Variants in GPHN observed in about 807,000 individuals in gnomAD.
GPHN encodes gephyrin.
In GPHN, 17 loss-of-function variants were observed where a neutral mutation model predicts 95.5. That is an observed-to-expected ratio of 0.18 (90% CI 0.12 to 0.27). The LOEUF (loss-of-function observed/expected upper bound fraction) is 0.27. GPHN is among the 10% of genes least tolerant of loss of function. The pLI is 1.00. For missense variants in GPHN, 660 were observed against 978.1 expected (o/e 0.67, Z 4.34); for synonymous variants, 320 against 322.5 (o/e 0.99, Z 0.08).
the GPHN span, among the ~76,000 whole-genome samples, chr14:67,298,398 C>G: frequency 3.3e-5 from 5 of 151,644 alleles, no homozygotes; most frequent in Non-Finnish European, 7.4e-5. Flanking sequence ...ACCTGTAATC[C>G]CAGCTACTCA....
chr14:66,825,397 A>G (rs1399562808), intron 4 of GPHN, among the ~76,000 whole-genome samples: 1 of 152,188 alleles, frequency 6.6e-6, no homozygotes, highest in Non-Finnish European at 1.5e-5. Context: ...TCCACAAGGT[A>G]CTTTTGCTCT....
the GPHN span, among the ~76,000 whole-genome samples, chr14:67,497,589 T>C: frequency 6.6e-6 from 1 of 152,210 alleles, no homozygotes; most frequent in Non-Finnish European, 1.5e-5. Flanking sequence ...TGTCCATTTA[T>C]AATTATCTAT....
chr14:67,513,947 T>C, the GPHN span, among the ~76,000 whole-genome samples: 4 of 152,178 alleles, frequency 2.6e-5, no homozygotes, highest in South Asian at 2.1e-4. Context: ...AGAAAGACAC[T>C]GTACCACCCC....
At chr14:67,362,311 C>T in the GPHN span, among the ~76,000 whole-genome samples, 1 of 151,906 alleles carries the variant, frequency 6.6e-6, no homozygotes, top group Admixed American at 6.6e-5. Context: ...TGAGCCACTG[C>T]GCCTGGCCTG....
At chr14:67,370,993 C>T in the GPHN span, among the ~76,000 whole-genome samples, 2,329 of 152,152 alleles carry the variant, frequency 0.015, 26 homozygotes, top group Non-Finnish European at 0.023. Context: ...CATGCCACTA[C>T]ACTCCAGCCT....
At chr14:67,473,134 C>T in the GPHN span, 2 of 451,992 alleles carry the variant, frequency 4.4e-6, no homozygotes, top group South Asian at 4.7e-5. This position sits in a 1 kb window ranked among gnomAD's most constrained non-coding sequence, Gnocchi z 6.5. Flanking sequence ...ACTACATAGT[C>T]CATCGCTGCT....
chr14:67,515,329 CATTGTGTGTCGG>C, the GPHN span: 3 of 159,598 alleles, frequency 1.9e-5, no homozygotes, highest in African/African-American at 7.2e-5. Context: ...CCTAGTCCCG[CATTGTGTGTCGG>C]CGTCCGCCGC....
intron 4 of GPHN, chr14:66,842,860 T>A: frequency 1.5e-6 from 1 of 645,412 alleles, no homozygotes; most frequent in South Asian, 1.9e-5. Context: ...ATCTATGTTC[T>A]AGGGTCATTC....
the GPHN span, among the ~76,000 whole-genome samples, chr14:67,584,303 A>G: frequency 6.6e-6 from 1 of 152,216 alleles, no homozygotes; most frequent in African/African-American, 2.4e-5. Context: ...GTGATTGCTT[A>G]TCTTCATTTG....
At chr14:67,366,384 T>G in the GPHN span, among the ~76,000 whole-genome samples, 1 of 152,210 alleles carries the variant, frequency 6.6e-6, no homozygotes. Context: ...CTTTTTCTAT[T>G]GTATAAAATA....
chr14:67,380,882 GGTT>G, the GPHN span: 6 of 495,960 alleles, frequency 1.2e-5, no homozygotes, highest in Non-Finnish European at 2.0e-5. Flanking sequence ...TTTTCTAAAT[GGTT>G]GTTTTTTATA....
At chr14:67,662,985 T>C in the GPHN span, 103 of 1,390,632 alleles carry the variant, frequency 7.4e-5, no homozygotes, top group Non-Finnish European at 8.9e-5. Context: ...CACTTCTATG[T>C]TAACTCGTAC....
intron 1 of GPHN, among the ~76,000 whole-genome samples, chr14:66,608,234 A>G (rs1288412097): frequency 1.3e-5 from 2 of 151,730 alleles, no homozygotes. Flanking sequence ...CCTTCATTTC[A>G]TTATTTCCCC....
At chr14:67,250,125 T>G in the GPHN span, among the ~76,000 whole-genome samples, 3 of 149,426 alleles carry the variant, frequency 2.0e-5, no homozygotes, top group African/African-American at 5.1e-5. Context: ...ACCATTGATG[T>G]AGATAGACGA....
chr14:67,691,088 C>T, the GPHN span: 2 of 1,237,710 alleles, frequency 1.6e-6, no homozygotes, highest in Admixed American at 3.4e-5. Context: ...CCTAAGTTTC[C>T]CAAAGAGAAT....
the GPHN span, among the ~76,000 whole-genome samples, chr14:67,253,936 A>C: frequency 1.3e-5 from 2 of 149,580 alleles, no homozygotes; most frequent in Non-Finnish European, 3.0e-5. Context: ...TACTGATATC[A>C]GTGTGTTTGT....
At chr14:67,204,890 C>A in the GPHN span, 1 of 1,613,962 alleles carries the variant, frequency 6.2e-7, no homozygotes, top group Non-Finnish European at 8.5e-7. Context: ...CCAGAATTCA[C>A]AGACATCACC....
At chr14:67,052,949 G>A (rs75693461) in intron 10 of GPHN, among the ~76,000 whole-genome samples, 22 of 151,910 alleles carry the variant, frequency 1.4e-4, no homozygotes, top group Non-Finnish European at 2.1e-4. Flanking sequence ...CCAAAGCAGC[G>A]TTAAGAGGGC....
the GPHN span, chr14:67,586,395 G>A: frequency 2.2e-6 from 3 of 1,354,690 alleles, no homozygotes; most frequent in Non-Finnish European, 2.9e-6. Context: ...CCTCAGTTGG[G>A]TGCTTACGTG....
Sources: gnomAD v4.1 joint callset for allele counts (sites outside exome capture counted in the v4.1 genomes callset) on GRCh38, gnomAD v4.1.1 for gene constraint, Gnocchi (gnomAD v3.1) non-coding constraint, MANE v1.5 for transcripts, NCBI Gene and HGNC (gene_info 2026-07-23, HGNC 2026-07-21) for gene names.